Variants in MPP7 observed in about 807,000 individuals in gnomAD.
The protein encoded by MPP7 is MAGUK p55 subfamily member 7.
In MPP7, 60 loss-of-function variants were observed where a neutral mutation model predicts 76.5. That is an observed-to-expected ratio of 0.78 (90% CI 0.64 to 0.97). The LOEUF is 0.97. Ranked by LOEUF, MPP7 falls within the 50% of genes least tolerant of loss-of-function variation. MPP7 has a pLI of 0.00. For missense variants in MPP7, 641 were observed against 694.0 expected, an observed-to-expected ratio of 0.92 and a Z score of 0.86; for synonymous variants, 237 against 244.5, an observed-to-expected ratio of 0.97 and a Z score of 0.29.
At chr10:28,194,708 G>A (rs1837523387) in intron 3 of MPP7, among the ~76,000 whole-genome samples, 1 of 152,196 alleles carries the variant, frequency 6.6e-6, no homozygotes, top group Non-Finnish European at 1.5e-5. Context: ...ATCAGTGATT[G>A]CTGAGCTGGG....
At chr10:28,307,586 G>A (rs576208211), upstream of MPP7, 16 of 152,224 alleles carry the variant, frequency 1.1e-4, no homozygotes, top group African/African-American at 3.9e-4. Flanking sequence ...CCCCACCCCT[G>A]GATGAAAACT....
intron 11 of MPP7, among the ~76,000 whole-genome samples, chr10:28,093,873 T>A (rs1389928711): frequency 6.6e-6 from 1 of 152,206 alleles, no homozygotes; most frequent in African/African-American, 2.4e-5. Context: ...TTGGGTGATG[T>A]CAGTTGTGCA....
At chr10:28,302,508 G>A (rs1841182007) in intron 1 of MPP7, among the ~76,000 whole-genome samples, 1 of 152,182 alleles carries the variant, frequency 6.6e-6, no homozygotes, top group Admixed American at 6.5e-5. Flanking sequence ...TCCCCGGGGA[G>A]CCGGACTCTG....
At chr10:28,187,995 G>A (rs1456710887) in intron 3 of MPP7, among the ~76,000 whole-genome samples, 1 of 152,160 alleles carries the variant, frequency 6.6e-6, no homozygotes, top group Non-Finnish European at 1.5e-5. Flanking sequence ...GAAATTTCCA[G>A]GTTGGAGAAA....
rs17830756 is a variant in MPP7, at chr10:28,055,020, G to A, written c.1552-776C>T. Among the ~76,000 whole-genome samples, 254 of 152,224 alleles carry A rather than the reference G, an allele frequency of 1.7e-3. 4 individuals are homozygous for A. The East Asian group carries it at 0.03, about 18-fold the overall frequency. ...CGATGTCTCATTAAAAGTGTTTCAGGAGCCTTCGTGTCTCACATTTTTAAA... is the reference window on the plus strand; with the variant it reads ...CGATGTCTCATTAAAAGTGTTTCAGAAGCCTTCGTGTCTCACATTTTTAAA... On this transcript the variant is annotated intron_variant, in intron 16 of 16. Transcript: ENST00000683449.
intron 1 of MPP7, among the ~76,000 whole-genome samples, chr10:28,332,239 A>ATGTGTGTG (rs1460669087): frequency 2.1e-5 from 2 of 96,492 alleles, no homozygotes; most frequent in African/African-American, 4.3e-5. Flanking sequence ...AGTTTGTCAA[A>ATGTGTGTG]TGTATGCGTG....
At chr10:28,296,722 A>G (rs1270922455) in intron 1 of MPP7, among the ~76,000 whole-genome samples, 1 of 152,236 alleles carries the variant, frequency 6.6e-6, no homozygotes, top group Non-Finnish European at 1.5e-5. Context: ...TGTTCTAGTA[A>G]ATAGAAAGAC....
At chr10:28,296,230 C>G (rs546017237) in intron 1 of MPP7, among the ~76,000 whole-genome samples, 1 of 152,242 alleles carries the variant, frequency 6.6e-6, no homozygotes, top group East Asian at 1.9e-4. Context: ...TTTCCATGCC[C>G]ACGCTCTCCT....
At chr10:28,275,635 G>A (rs1564750814) in intron 1 of MPP7, among the ~76,000 whole-genome samples, 2 of 151,970 alleles carry the variant, frequency 1.3e-5, no homozygotes, top group Non-Finnish European at 2.9e-5. Context: ...TCAAACTCCT[G>A]ACCTCAAGGG....
At chr10:28,321,948 C>T (rs1428286455) in intron 2 of MPP7, among the ~76,000 whole-genome samples, 2 of 143,460 alleles carry the variant, frequency 1.4e-5, no homozygotes, top group South Asian at 2.2e-4. Flanking sequence ...TTTTTGTAGA[C>T]GTGTGTGTGT....
intron 1 of MPP7, among the ~76,000 whole-genome samples, chr10:28,290,854 A>C (rs1311666686): frequency 1.3e-5 from 2 of 152,234 alleles, no homozygotes; most frequent in Non-Finnish European, 2.9e-5. Flanking sequence ...TAGAATCTTA[A>C]TGCCCATTAC....
At chr10:28,213,768 G>A (rs1838221653) in intron 2 of MPP7, among the ~76,000 whole-genome samples, 1 of 148,998 alleles carries the variant, frequency 6.7e-6, no homozygotes, top group Non-Finnish European at 1.5e-5. Flanking sequence ...CTCCAACCTG[G>A]GCAACAGAGT....
chr10:28,056,802 G>A (rs996849566), intron 15 of MPP7, among the ~76,000 whole-genome samples, 179 bp from the exon 16 acceptor site: 5 of 152,004 alleles, frequency 3.3e-5, no homozygotes, highest in African/African-American at 9.7e-5. Flanking sequence ...AAAGAAGCTG[G>A]GGAATGTAAC....
intron 6 of MPP7, among the ~76,000 whole-genome samples, chr10:28,129,593 A>T (rs1435154241): frequency 2.6e-5 from 4 of 151,106 alleles, no homozygotes; most frequent in African/African-American, 9.9e-5. Context: ...GTCTCAAAAA[A>T]AAAAAAAAAA....
At chr10:28,122,628 T>G (rs557167634) in intron 8 of MPP7, among the ~76,000 whole-genome samples, 1 of 152,346 alleles carries the variant, frequency 6.6e-6, no homozygotes, top group East Asian at 1.9e-4. Context: ...TGCCCTGGGC[T>G]TGGCATCACC....
chr10:28,174,080 C>T (rs912339046), intron 3 of MPP7, among the ~76,000 whole-genome samples: 1 of 152,124 alleles, frequency 6.6e-6, no homozygotes, highest in Non-Finnish European at 1.5e-5. Flanking sequence ...AATGAGATAC[C>T]ACTACAGCCC....
intron 2 of MPP7, among the ~76,000 whole-genome samples, chr10:28,237,653 T>C (rs1157546203): frequency 2.6e-5 from 4 of 152,210 alleles, no homozygotes; most frequent in East Asian, 3.9e-4. Context: ...GTCATTGTAA[T>C]TGTCCAATCT....
chr10:28,315,452 T>C (rs1042476503), intron 2 of MPP7, among the ~76,000 whole-genome samples: 3 of 152,050 alleles, frequency 2.0e-5, no homozygotes, highest in African/African-American at 4.8e-5. Context: ...TGCCCCCTTT[T>C]CGAGCTGGCA....
chr10:28,127,648 C>T (rs10826404), intron 6 of MPP7, among the ~76,000 whole-genome samples: 10,906 of 152,178 alleles, frequency 0.072, 897 homozygotes, highest in East Asian at 0.41. Context: ...ATGGGAAAGA[C>T]CTGACCCGTG....
Sources: allele counts gnomAD v4.1 joint callset (sites outside exome capture counted in the v4.1 genomes callset), GRCh38; gene constraint gnomAD v4.1.1; transcripts MANE v1.5; gene names NCBI Gene and HGNC (gene_info 2026-07-23, HGNC 2026-07-21).